Variants in PTPRT observed in about 807,000 individuals in gnomAD.
PTPRT encodes the protein protein tyrosine phosphatase receptor type T, also known as receptor-type tyrosine-protein phosphatase T.
Under a neutral mutation model 176.8 loss-of-function variants are expected in PTPRT, and 56 were observed. The observed-to-expected ratio is 0.32, with a 90% CI of 0.26 to 0.40. The LOEUF (loss-of-function observed/expected upper bound fraction) is 0.40, where lower values mean the gene tolerates loss of function less well. Ranked by LOEUF, PTPRT falls within the 10% of genes least tolerant of loss-of-function variation. The probability of loss-of-function intolerance (pLI) is 1.00; values close to 1 mark genes in which losing one functional copy is unlikely to be tolerated. For synonymous variants in PTPRT, 783 were observed against 739.0 expected (o/e 1.06, Z -0.96); for missense variants, 1,540 against 1,908.2 (o/e 0.81, Z 3.60).
rs1489583742 is a variant in PTPRT at position 42,791,482 on chromosome 20, G to T, written c.215-16C>A. 4.4e-6 allele frequency: 7 copies of T among 1,601,352 alleles called. No individual in the cohort carries two copies. Among genetic ancestry groups the T allele is most frequent in the Middle Eastern group, 3.4e-4 (2 of 5,968 alleles). ...ATGAAAGATCCTGGAGACCCACAAA[G>T]CAGGTGGGAAGTAGAGACAAAGAGA... On this transcript the variant is annotated splice_polypyrimidine_tract_variant and intron_variant, in intron 2 of 30. Coordinates refer to ENST00000373187, the MANE Select transcript of PTPRT (RefSeq NM_007050.6).
intron 12 of PTPRT, among the ~76,000 whole-genome samples, chr20:42,287,019 T>C (rs2057241349): frequency 6.6e-6 from 1 of 151,968 alleles, no homozygotes; most frequent in Non-Finnish European, 1.5e-5. Context: ...ATCAGGGACA[T>C]GCCAATTAAA....
At chr20:42,039,118 A>G in the PTPRT span, among the ~76,000 whole-genome samples, 16 of 152,284 alleles carry the variant, frequency 1.1e-4, no homozygotes, top group Middle Eastern at 6.8e-3. Context: ...TTCTCAGAGC[A>G]CAGTTTCAGG....
chr20:42,463,014 G>T (rs1436715841), intron 8 of PTPRT, among the ~76,000 whole-genome samples: 1 of 152,110 alleles, frequency 6.6e-6, no homozygotes, highest in Non-Finnish European at 1.5e-5. Flanking sequence ...TCACCTGGTA[G>T]GTCTGTGGGT....
At chr20:43,017,308 G>C (rs1985417925) in intron 1 of PTPRT, among the ~76,000 whole-genome samples, 1 of 151,972 alleles carries the variant, frequency 6.6e-6, no homozygotes, top group Admixed American at 6.6e-5. Context: ...CCTGTGTTTG[G>C]GCCCTGTGAC....
rs10626020 is a variant in PTPRT at position 42,434,662 on chromosome 20, GAAAAA to G, written c.1560+13553_1560+13557del. 4.1e-4 allele frequency among the ~76,000 whole-genome samples: 57 copies of G among 137,730 alleles called. 1 individual carries two copies. The highest frequency in any genetic ancestry group is 7.7e-5 in the Non-Finnish European group (5 of 64,740). 90.4% of individuals were successfully genotyped at this position (137,730 alleles called of 152,430 possible). The stretch of plus-strand genomic sequence containing the variant: ...AGAAAAGCCCATCCCATCTTCATAA[GAAAAA>G]AAAAAAAAAAGAGGCCAGGCACCGC... On this transcript the variant is annotated intron_variant, in intron 9 of 30. Transcript: ENST00000373187.
intron 7 of PTPRT, among the ~76,000 whole-genome samples, chr20:42,498,239 C>G (rs774082566): frequency 2.1e-4 from 32 of 152,232 alleles, no homozygotes; most frequent in Non-Finnish European, 4.0e-4. Context: ...GTCAACTGAA[C>G]AGACTTTCCT....
chr20:42,570,312 TA>T (rs376696564), intron 7 of PTPRT, among the ~76,000 whole-genome samples: 11 of 152,162 alleles, frequency 7.2e-5, no homozygotes, highest in African/African-American at 2.7e-4. Context: ...CCTCGGCACA[TA>T]AGGATATTCC....
At position 43,189,360 on chromosome 20, in the gene PTPRT, G is replaced by C. The variant is rs1366012236; in HGVS notation, c.88+286C>G. 6.6e-6 allele frequency among the ~76,000 whole-genome samples: 1 copy of C among 152,158 alleles called. No individual in the cohort carries two copies. The highest frequency in any genetic ancestry group is 1.5e-5 in the Non-Finnish European group (1 of 68,028). ...TGGGAGGCAGCAAGTGGAAATATTC[G>C]CAACAACCGCGGAAAGTTACTCCAG... On this transcript the variant is annotated intron_variant, in intron 1 of 30. Transcript: ENST00000373187. The surrounding 1 kb of genome is among the most constrained non-coding windows in gnomAD (Gnocchi z 5.0).
At chr20:42,086,083 G>A (rs1983876609) in intron 27 of PTPRT, among the ~76,000 whole-genome samples, 3 of 152,098 alleles carry the variant, frequency 2.0e-5, no homozygotes, top group Admixed American at 2.0e-4. Flanking sequence ...AAGTAGCTGG[G>A]ATTATAGGCA....
chr20:42,249,885 C>T (rs959804254), intron 13 of PTPRT, among the ~76,000 whole-genome samples: 3 of 152,210 alleles, frequency 2.0e-5, no homozygotes, highest in Non-Finnish European at 1.5e-5. Context: ...GGGTTATCAG[C>T]ACCCGAAGTG....
chr20:42,775,687 G>T (rs1818408304), intron 4 of PTPRT, among the ~76,000 whole-genome samples: 1 of 152,180 alleles, frequency 6.6e-6, no homozygotes, highest in African/African-American at 2.4e-5. Context: ...ATTATCTACA[G>T]TTCTAATTTC....
At position 42,670,925 on chromosome 20, in the gene PTPRT, G is replaced by C. The variant is rs2075401844; in HGVS notation, c.1153+6941C>G. ...GTTTTTGAGATGAGGAGGAAAACCT[G>C]GGAGCAAAACTTACAAGTGGGTGTT... On this transcript the variant is annotated intron_variant, in intron 7 of 30. Transcript: ENST00000373187. Among the ~76,000 whole-genome samples the C allele has an allele frequency of 1.3e-5, 2 of 152,156 alleles. 1 individual carries two copies. Among genetic ancestry groups the C allele is most frequent in the African/African-American group, 4.8e-5 (2 of 41,428 alleles).
At chr20:42,219,833 C>A (rs2055845114) in intron 15 of PTPRT, among the ~76,000 whole-genome samples, 1 of 152,098 alleles carries the variant, frequency 6.6e-6, no homozygotes, top group Admixed American at 6.5e-5. Flanking sequence ...CCTGTAACTA[C>A]CATTAATTGG....
At chr20:42,854,837 A>G (rs1312011474) in intron 2 of PTPRT, among the ~76,000 whole-genome samples, 1 of 152,194 alleles carries the variant, frequency 6.6e-6, no homozygotes, top group Non-Finnish European at 1.5e-5. Context: ...ATTAAATTAG[A>G]TCAGTTATAC....
chr20:42,476,202 T>TG (rs1337957763), intron 7 of PTPRT, among the ~76,000 whole-genome samples: 1 of 152,208 alleles, frequency 6.6e-6, no homozygotes, highest in African/African-American at 2.4e-5. Context: ...GAAATGCCTT[T>TG]GGAAGCTTGT....
intron 7 of PTPRT, among the ~76,000 whole-genome samples, chr20:42,526,654 C>A (rs2072272335): frequency 1.3e-5 from 2 of 152,028 alleles, no homozygotes; most frequent in African/African-American, 4.8e-5. Flanking sequence ...CTATGCTTTT[C>A]CATGATTGTA....
intron 5 of PTPRT, among the ~76,000 whole-genome samples, chr20:42,763,676 C>T (rs910298608): frequency 2.0e-5 from 3 of 152,164 alleles, no homozygotes; most frequent in Non-Finnish European, 2.9e-5. Flanking sequence ...TAAAATCTAG[C>T]CCATTGATTC....
chr20:42,495,772 G>T (rs1051293506), intron 7 of PTPRT, among the ~76,000 whole-genome samples: 2 of 152,052 alleles, frequency 1.3e-5, no homozygotes, highest in Non-Finnish European at 2.9e-5. Flanking sequence ...TTTCCATGTA[G>T]GTATCCATGT....
At chr20:43,139,922 C>G (rs569604117) in intron 1 of PTPRT, among the ~76,000 whole-genome samples, 3 of 152,204 alleles carry the variant, frequency 2.0e-5, no homozygotes, top group Non-Finnish European at 4.4e-5. Flanking sequence ...TACCACAAAA[C>G]AGAAGCAATA....
Sources: allele counts gnomAD v4.1 joint callset (sites outside exome capture counted in the v4.1 genomes callset), GRCh38; gene constraint gnomAD v4.1.1; non-coding constraint Gnocchi (gnomAD v3.1); transcripts MANE v1.5; gene names NCBI Gene and HGNC (gene_info 2026-07-23, HGNC 2026-07-21).